The following ARMH4 variants were observed in gnomAD, a reference collection of about 807,000 sequenced individuals.
The protein encoded by ARMH4 is armadillo like helical domain containing 4, also known as armadillo-like helical domain-containing protein 4.
Under a neutral mutation model 61.9 loss-of-function variants are expected in ARMH4, and 49 were observed. The ratio of observed to expected loss-of-function variants is 0.79; its 90% CI spans 0.63 to 1.00. The LOEUF is 1.00. ARMH4 is among the 50% of genes least tolerant of loss of function. The pLI, the probability that ARMH4 is intolerant of heterozygous loss-of-function variation, is 0.00. For missense variants in ARMH4, 934 were observed against 930.0 expected (o/e 1.00, Z -0.06); for synonymous variants, 368 against 341.5 (o/e 1.08, Z -0.85).
At chr14:58,067,714 C>T (rs1884749091) in intron 5 of ARMH4, among the ~76,000 whole-genome samples, 1 of 152,172 alleles carries the variant, frequency 6.6e-6, no homozygotes, top group Non-Finnish European at 1.5e-5. Flanking sequence ...TATCCAGCTT[C>T]ATAGCCAGAA....
chr14:58,096,886 G>T lies in ARMH4; in HGVS notation c.1927C>A (p.Leu643Met). The change falls in exon 5 of 8, where the codon CTG (leucine) becomes ATG (methionine). Residue 643 changes from leucine to methionine, a missense_variant. By Grantham distance (15) the Leu-to-Met change is conservative. Transcript: ENST00000267485. ...EDEEDKDADS[L>M]DEGLDGDTEL... ...GTGTCACCATCCAAGCCCTCATCCA[G>T]CGAGTCTGCATCTTTATCTTCCTCA... 10 of 1,614,116 alleles carry T rather than the reference G, an allele frequency of 6.2e-6. No homozygotes were observed. Among genetic ancestry groups the T allele is most frequent in the Non-Finnish European group, 8.5e-6 (10 of 1,180,024 alleles).
At chr14:58,041,994 A>G (rs889963718) in intron 5 of ARMH4, among the ~76,000 whole-genome samples, 1 of 152,070 alleles carries the variant, frequency 6.6e-6, no homozygotes, top group Non-Finnish European at 1.5e-5. Flanking sequence ...CACAATAATA[A>G]TGGGAGACTT....
chr14:58,008,803 T>A (rs572719283), intron 6 of ARMH4, among the ~76,000 whole-genome samples: 6 of 152,314 alleles, frequency 3.9e-5, no homozygotes, highest in Middle Eastern at 3.4e-3. Context: ...AGACCATACA[T>A]TGAGAATCGC....
intron 5 of ARMH4, among the ~76,000 whole-genome samples, chr14:58,091,206 C>T (rs534673158): frequency 6.6e-6 from 1 of 151,686 alleles, no homozygotes; most frequent in Non-Finnish European, 1.5e-5. Flanking sequence ...AGTAAGACTC[C>T]ATCTCACAAA....
chr14:58,007,199 G>A (rs537886938), intron 6 of ARMH4, among the ~76,000 whole-genome samples: 1 of 152,160 alleles, frequency 6.6e-6, no homozygotes, highest in East Asian at 1.9e-4. Flanking sequence ...AGGTCAACTT[G>A]ATCAGCCTCT....
At chr14:58,149,866 T>TTA (rs531548345) in intron 1 of ARMH4, among the ~76,000 whole-genome samples, 41 of 152,312 alleles carry the variant, frequency 2.7e-4, no homozygotes, top group African/African-American at 9.4e-4. Context: ...ATAGAAGACA[T>TTA]ACTAGCATGC....
chr14:58,135,627 T>C (rs755832548), intron 2 of ARMH4, among the ~76,000 whole-genome samples: 3 of 152,062 alleles, frequency 2.0e-5, no homozygotes, highest in Non-Finnish European at 4.4e-5. Context: ...TTCTTCCTAC[T>C]TCATGTAGGA....
At chr14:58,132,532 CCAGAGG>C (rs1887144458) in intron 3 of ARMH4, among the ~76,000 whole-genome samples, 3 of 149,914 alleles carry the variant, frequency 2.0e-5, no homozygotes, top group Non-Finnish European at 4.5e-5. Context: ...CTTTGAGGAC[CCAGAGG>C]TGAGCCACCA....
intron 4 of ARMH4, among the ~76,000 whole-genome samples, chr14:58,104,036 A>G (rs1020792278): frequency 1.3e-5 from 2 of 152,174 alleles, no homozygotes; most frequent in Non-Finnish European, 2.9e-5. Flanking sequence ...CAGGTAAGCA[A>G]GCCTAGCCCA....
At position 58,004,692 on chromosome 14, in the gene ARMH4, G is replaced by A; in HGVS notation, c.*44C>T. 7.0e-7 allele frequency: 1 copy of A among 1,433,106 alleles called. No individual in the cohort carries two copies. The highest frequency in any genetic ancestry group is 1.4e-5 in the African/African-American group (1 of 69,710). 88.8% of individuals were successfully genotyped at this position (1,433,106 alleles called of 1,614,324 possible). On this transcript the variant is annotated 3_prime_UTR_variant, in exon 8 of 8. Transcript: ENST00000267485. The stretch of plus-strand genomic sequence containing the variant: ...TTTTTCTGCTCCAAAATAAAAATTA[G>A]AATAGTAGCATCGTTGAATATCCCA...
chr14:58,026,074 G>A (rs1404098331), intron 5 of ARMH4, among the ~76,000 whole-genome samples: 3 of 151,512 alleles, frequency 2.0e-5, no homozygotes, highest in Non-Finnish European at 4.4e-5. Flanking sequence ...GCAATCAACT[G>A]TACATCCTGC....
At chr14:58,019,476 G>T (rs1253153189) in intron 5 of ARMH4, among the ~76,000 whole-genome samples, 3 of 152,112 alleles carry the variant, frequency 2.0e-5, no homozygotes, top group Non-Finnish European at 4.4e-5. Context: ...ATGCTCGCCA[G>T]CACCCTCTTG....
intron 5 of ARMH4, among the ~76,000 whole-genome samples, chr14:58,012,701 T>C (rs1478770679): frequency 6.6e-6 from 1 of 152,186 alleles, no homozygotes; most frequent in African/African-American, 2.4e-5. Flanking sequence ...GACATATAAC[T>C]TGTGAACTGT....
chr14:58,059,628 G>A (rs941143838), intron 5 of ARMH4, among the ~76,000 whole-genome samples: 1 of 152,132 alleles, frequency 6.6e-6, no homozygotes, highest in Non-Finnish European at 1.5e-5. Context: ...GTAAATACCA[G>A]TTTATACCAC....
At chr14:58,083,950 G>A (rs1885305560) in intron 5 of ARMH4, among the ~76,000 whole-genome samples, 1 of 152,156 alleles carries the variant, frequency 6.6e-6, no homozygotes, top group African/African-American at 2.4e-5. Flanking sequence ...TAAATCTATA[G>A]GAGAATCATG....
At chr14:58,024,075 G>C (rs1478469304) in intron 5 of ARMH4, among the ~76,000 whole-genome samples, 2 of 152,148 alleles carry the variant, frequency 1.3e-5, no homozygotes, top group African/African-American at 4.8e-5. Flanking sequence ...AGTGAGCATT[G>C]ACTTCAACTT....
intron 4 of ARMH4, among the ~76,000 whole-genome samples, chr14:58,120,262 A>G (rs1456573717): frequency 6.6e-6 from 1 of 152,162 alleles, no homozygotes; most frequent in Non-Finnish European, 1.5e-5. Context: ...GACCACTATC[A>G]TATATGAGGT....
Position 58,096,902 on chromosome 14 carries a change from A to ATCTTCCTCATCT in ARMH4, c.1899_1910dup (p.Glu633_Glu636dup). ...CCTCATCCAGCGAGTCTGCATCTTT[A>ATCTTCCTCATCT]TCTTCCTCATCTTCTTCCTCATCTT... On this transcript the variant is annotated inframe_insertion, in exon 5 of 8. Transcript: ENST00000267485. 6.2e-7 allele frequency: 1 copy of ATCTTCCTCATCT among 1,614,064 alleles called. No individual in the cohort carries two copies. The highest frequency in any genetic ancestry group is 8.5e-7 in the Non-Finnish European group (1 of 1,180,008).
At chr14:58,019,824 TA>T (rs1264400900) in intron 5 of ARMH4, among the ~76,000 whole-genome samples, 36 of 152,116 alleles carry the variant, frequency 2.4e-4, no homozygotes, top group African/African-American at 8.4e-4. Flanking sequence ...TTTAAAAAAA[TA>T]AAATAACATT....
Sources: allele counts gnomAD v4.1 joint callset (sites outside exome capture counted in the v4.1 genomes callset), GRCh38; gene constraint gnomAD v4.1.1; transcripts MANE v1.5; gene names NCBI Gene and HGNC (gene_info 2026-07-23, HGNC 2026-07-21).